Variants in ZDHHC21 observed in about 807,000 individuals in gnomAD.
ZDHHC21 encodes the protein palmitoyltransferase ZDHHC21.
Under a neutral mutation model 34.6 loss-of-function variants are expected in ZDHHC21, and 15 were observed. That is an observed-to-expected ratio of 0.43 (90% CI 0.29 to 0.67). The LOEUF is 0.67. Ranked by LOEUF, ZDHHC21 falls within the 30% of genes least tolerant of loss-of-function variation. The pLI, the probability that ZDHHC21 is intolerant of heterozygous loss-of-function variation, is 0.14. For missense variants in ZDHHC21, 344 were observed against 327.7 expected (o/e 1.05, Z -0.38); for synonymous variants, 142 against 101.8 (o/e 1.40, Z -2.38).
At chr9:14,689,235 T>C (rs906479688) in intron 2 of ZDHHC21, among the ~76,000 whole-genome samples, 1 of 152,146 alleles carries the variant, frequency 6.6e-6, no homozygotes, top group African/African-American at 2.4e-5. Context: ...AGAGATTTGA[T>C]CTAAAATAGA....
downstream of ZDHHC21, among the ~76,000 whole-genome samples, chr9:14,610,079 G>C (rs1194228980): frequency 2.6e-5 from 4 of 151,950 alleles, no homozygotes; most frequent in Non-Finnish European, 5.9e-5. Flanking sequence ...ATGTTTAAAT[G>C]AATTAGCAAC....
chr9:14,644,859 G>A (rs10810199), intron 7 of ZDHHC21, among the ~76,000 whole-genome samples: 23,668 of 150,628 alleles, frequency 0.16, 2,105 homozygotes, highest in South Asian at 0.35. Flanking sequence ...TATTTACTTT[G>A]CTTTAGTCTG....
intron 2 of ZDHHC21, among the ~76,000 whole-genome samples, chr9:14,689,816 G>A (rs1183711601): frequency 6.6e-6 from 1 of 152,162 alleles, no homozygotes; most frequent in Non-Finnish European, 1.5e-5. Context: ...CCAGGCTGGA[G>A]TGCTGCAATC....
the ZDHHC21 span, among the ~76,000 whole-genome samples, chr9:14,602,031 A>G: frequency 1.3e-5 from 2 of 151,996 alleles, no homozygotes; most frequent in Non-Finnish European, 2.9e-5. Flanking sequence ...TAGCATTAGG[A>G]GAAATACCTA....
intron 8 of ZDHHC21, among the ~76,000 whole-genome samples, chr9:14,624,075 G>A (rs764974089): frequency 7.9e-5 from 12 of 151,710 alleles, no homozygotes; most frequent in African/African-American, 1.5e-4. Context: ...ACCATGGATC[G>A]AAAATACTTT....
At chr9:14,655,782 A>G (rs1398193551) in intron 7 of ZDHHC21, among the ~76,000 whole-genome samples, 1 of 151,798 alleles carries the variant, frequency 6.6e-6, no homozygotes, top group Non-Finnish European at 1.5e-5. Context: ...GAACAGATGA[A>G]GTCAAATAAT....
At chr9:14,688,116 TA>T (rs34072998) in intron 2 of ZDHHC21, among the ~76,000 whole-genome samples, 56,204 of 150,580 alleles carry the variant, frequency 0.37, 11,481 homozygotes, top group Middle Eastern at 0.4. Context: ...ATCAACAGAT[TA>T]AAAAATTAAT....
rs141604437 is a variant in ZDHHC21 at position 14,630,526 on chromosome 9, C to T, written c.621+9370G>A. On this transcript the variant is annotated intron_variant, in intron 8 of 9. Coordinates refer to ENST00000380916, the MANE Select transcript of ZDHHC21 (RefSeq NM_178566.6). ...CCGTTCATATTGTTATTTTGGTCCC[C>T]TCCCATAAATCGCAAATGTTCTTAA... is the stretch of plus-strand genomic sequence containing the variant. Among the ~76,000 whole-genome samples the T allele has an allele frequency of 1.9e-3, 285 of 152,306 alleles. 1 individual carries two copies. The highest frequency in any genetic ancestry group is 6.4e-3 in the African/African-American group (267 of 41,552).
intron 2 of ZDHHC21, among the ~76,000 whole-genome samples, chr9:14,685,679 T>C (rs1838193945): frequency 6.6e-6 from 1 of 152,192 alleles, no homozygotes; most frequent in South Asian, 2.1e-4. Flanking sequence ...AGAAATACCA[T>C]TTGACCCAGC....
At chr9:14,656,512 G>A (rs181048540) in intron 7 of ZDHHC21, among the ~76,000 whole-genome samples, 4 of 151,814 alleles carry the variant, frequency 2.6e-5, no homozygotes, top group Admixed American at 6.6e-5. Flanking sequence ...AAAATTACTC[G>A]ATTCCTCAAT....
At position 14,669,776 on chromosome 9, in the gene ZDHHC21, T is replaced by C. The variant is rs577116809; in HGVS notation, c.253+3054A>G. On this transcript the variant is annotated intron_variant, in intron 5 of 9. Transcript: ENST00000380916. The stretch of plus-strand genomic sequence containing the variant: ...AGAACAAAAAACCAAACACTCCATA[T>C]TCTCACTCATAGGTGGGAATTGAAC... Among the ~76,000 whole-genome samples the C allele has an allele frequency of 1.0e-4, 15 of 147,264 alleles. No individual in the cohort carries two copies. The East Asian group carries it at 3.1e-3, about 30-fold the overall frequency.
At chr9:14,589,011 A>C in the ZDHHC21 span, 1 of 141,406 alleles carries the variant, frequency 7.1e-6, no homozygotes, top group Non-Finnish European at 1.5e-5. Flanking sequence ...TCTTGCAACC[A>C]AGCAGGTAAT....
intron 7 of ZDHHC21, among the ~76,000 whole-genome samples, chr9:14,648,091 T>C (rs1450056568): frequency 2.0e-5 from 3 of 152,134 alleles, no homozygotes; most frequent in African/African-American, 7.2e-5. Context: ...ATTCTTCCAG[T>C]TGTTTGGGCG....
intron 8 of ZDHHC21, among the ~76,000 whole-genome samples, chr9:14,629,652 G>C (rs913951865): frequency 2.0e-5 from 3 of 152,124 alleles, no homozygotes; most frequent in African/African-American, 7.2e-5. Context: ...ATGATCATTT[G>C]AACCTTCAGG....
At chr9:14,642,290 G>C (rs1829504300) in intron 7 of ZDHHC21, among the ~76,000 whole-genome samples, 1 of 152,070 alleles carries the variant, frequency 6.6e-6, no homozygotes, top group Admixed American at 6.5e-5. Context: ...TCCATATTTT[G>C]AGTCACTTAA....
chr9:14,673,069 G>T lies in ZDHHC21; in HGVS notation c.155-141C>A, dbSNP rs973316558. ...TCAAAAGATTAAAAAATAAATAATT[G>T]ATTTCACTCACCAAATAACACTGTC... On this transcript the variant is annotated intron_variant, in intron 4 of 9. Transcript: ENST00000380916. 1.0e-5 allele frequency: 5 copies of T among 492,842 alleles called. 1 individual carries two copies. Among genetic ancestry groups the T allele is most frequent in the Non-Finnish European group, 1.7e-5 (5 of 286,182 alleles). The allele number at this position is 492,842 out of a possible 1,614,324, so 30.5% of individuals were successfully genotyped here.
the ZDHHC21 span, among the ~76,000 whole-genome samples, chr9:14,595,304 A>T: frequency 7.2e-5 from 11 of 152,236 alleles, no homozygotes; most frequent in Non-Finnish European, 1.6e-4. Flanking sequence ...TGGCATATTC[A>T]TAAGACAGAG....
chr9:14,672,631 G>A (rs1318284369), intron 5 of ZDHHC21, among the ~76,000 whole-genome samples, 199 bp downstream of exon 5: 1 of 152,032 alleles, frequency 6.6e-6, no homozygotes, highest in Non-Finnish European at 1.5e-5. Context: ...AAGAGATGGG[G>A]TGTGGTGAAA....
chr9:14,593,271 A>G, the ZDHHC21 span, among the ~76,000 whole-genome samples: 5 of 152,196 alleles, frequency 3.3e-5, no homozygotes, highest in Middle Eastern at 3.2e-3. Flanking sequence ...CAAAACAAAA[A>G]AAGAAGATAG....
Sources: gnomAD v4.1 joint callset for allele counts (sites outside exome capture counted in the v4.1 genomes callset) on GRCh38, gnomAD v4.1.1 for gene constraint, MANE v1.5 for transcripts, NCBI Gene and HGNC (gene_info 2026-07-23, HGNC 2026-07-21) for gene names.